The following HERC1 variants were observed in gnomAD, a reference collection of about 807,000 sequenced individuals.
HERC1 encodes the protein HECT and RLD domain containing E3 ubiquitin protein ligase family member 1, also known as probable E3 ubiquitin-protein ligase HERC1.
Under a neutral mutation model 554.3 loss-of-function variants are expected in HERC1, and 160 were observed. The ratio of observed to expected loss-of-function variants is 0.29; its 90% confidence interval spans 0.25 to 0.33. The LOEUF (loss-of-function observed/expected upper bound fraction) is 0.33, where lower values mean the gene tolerates loss of function less well. HERC1 is among the 10% of genes least tolerant of loss of function. The pLI, the probability that HERC1 is intolerant of heterozygous loss-of-function variation, is 1.00. For missense variants in HERC1, 4,919 were observed against 5,918.5 expected (o/e 0.83, Z 5.54); for synonymous variants, 2,175 against 2,131.7 (o/e 1.02, Z -0.56).
intron 12 of HERC1, among the ~76,000 whole-genome samples, chr15:63,735,461 G>T (rs567506170): frequency 5.9e-5 from 9 of 151,398 alleles, no homozygotes; most frequent in African/African-American, 2.2e-4. Flanking sequence ...AAGTTGATAG[G>T]TGCAGCACAC....
intron 5 of HERC1, among the ~76,000 whole-genome samples, chr15:63,755,625 T>C (rs1028410770): frequency 8.6e-5 from 13 of 151,942 alleles, no homozygotes; most frequent in Admixed American, 5.2e-4. Context: ...TTAAAAAATA[T>C]GAAAATTAGC....
rs553215193 is a variant in HERC1 at position 63,800,785 on chromosome 15, C to T, written c.-26-25136G>A. 5.3e-5 allele frequency among the ~76,000 whole-genome samples: 8 copies of T among 152,218 alleles called. No individual in the cohort carries two copies. In the East Asian group the frequency reaches 9.6e-4, roughly 18 times the overall value. ...GGGAATAGGAGCATCTTTTGTTATTCGTAACAAGCCCCTTTCAACCATACC... is the reference window on the plus strand; with the variant it reads ...GGGAATAGGAGCATCTTTTGTTATTTGTAACAAGCCCCTTTCAACCATACC... On this transcript the variant is annotated intron_variant, in intron 1 of 77. Coordinates refer to ENST00000443617, the MANE Select transcript of HERC1 (RefSeq NM_003922.4).
chr15:63,665,198 A>T (rs1315364661), intron 42 of HERC1, among the ~76,000 whole-genome samples: 1 of 152,224 alleles, frequency 6.6e-6, no homozygotes, highest in Non-Finnish European at 1.5e-5. Context: ...TAAAAACTAT[A>T]GAAGAGATGA....
In HERC1 at chr15:63,656,254, A is replaced by G; in HGVS notation, c.9704T>C (p.Leu3235Pro). ...MCLAAAGRAG[L>P]STSPSAMAST... ...AGCCATGGCAGAAGGGCTGGTGGAG[A>G]GGCCAGCTCTCCCTGCTGCTGCCAA... Residue 3235 changes from leucine to proline, a missense_variant, in exon 49 of 78, where the codon CTC becomes CCC. Physicochemically the swap from Leu to Pro is moderately conservative, Grantham distance 98. This residue lies in a region of HERC1 where 1,963 missense variants were observed against 2,228.6 expected (regional missense o/e 0.88). Transcript: ENST00000443617. 6.2e-7 allele frequency: 1 copy of G among 1,613,834 alleles called. No individual in the cohort carries two copies. The highest frequency in any genetic ancestry group is 8.5e-7 in the Non-Finnish European group (1 of 1,179,806).
chr15:63,809,367 C>G (rs1250550563), intron 1 of HERC1, among the ~76,000 whole-genome samples: 1 of 152,158 alleles, frequency 6.6e-6, no homozygotes, highest in African/African-American at 2.4e-5. Flanking sequence ...AACAACCTAA[C>G]AAGAATGTGC....
At chr15:63,764,371 C>T (rs1196146644) in intron 2 of HERC1, among the ~76,000 whole-genome samples, 180 bp from the exon 3 acceptor site, 7 of 152,188 alleles carry the variant, frequency 4.6e-5, no homozygotes, top group South Asian at 2.1e-4. Flanking sequence ...TTTTATTAAA[C>T]GAGCTGGCTA....
intron 3 of HERC1, among the ~76,000 whole-genome samples, chr15:63,761,860 T>C (rs150014831): frequency 2.0e-4 from 31 of 152,202 alleles, no homozygotes; most frequent in Admixed American, 2.0e-3. Flanking sequence ...AAGATATAAA[T>C]GTAAAGGTTA....
chr15:63,742,632 G>T (rs963070881), intron 12 of HERC1, among the ~76,000 whole-genome samples: 88 of 152,244 alleles, frequency 5.8e-4, no homozygotes, highest in Middle Eastern at 3.4e-3. Flanking sequence ...TTCAGGTTAA[G>T]AAAGTTCCCT....
At chr15:63,789,801 A>AAAATAAATAAAT (rs10527229) in intron 1 of HERC1, among the ~76,000 whole-genome samples, 51,110 of 138,792 alleles carry the variant, frequency 0.37, 10,251 homozygotes, top group Non-Finnish European at 0.43. Context: ...GCCCTGTCTC[A>AAAATAAATAAAT]AAATAAATAA....
intron 1 of HERC1, among the ~76,000 whole-genome samples, chr15:63,785,047 G>C (rs2076397998): frequency 6.6e-6 from 1 of 152,148 alleles, no homozygotes; most frequent in African/African-American, 2.4e-5. Flanking sequence ...TTATATAAAA[G>C]AAACATATAT....
At chr15:63,706,893 T>G in intron 24 of HERC1, 62 bp from the exon 25 acceptor site, 1 of 1,036,998 alleles carries the variant, frequency 9.6e-7, no homozygotes, top group East Asian at 2.6e-5. Context: ...AAGATTAAGA[T>G]TTAATAGAGT....
rs773401851 is a variant in HERC1 at position 63,626,127 on chromosome 15, A to C, written c.13133T>G (p.Leu4378Arg). The C allele has an allele frequency of 6.2e-7, 1 of 1,613,638 alleles. No individual in the cohort carries two copies. The highest frequency in any genetic ancestry group is 1.7e-5 in the Admixed American group (1 of 59,928). Residue 4378 changes from leucine to arginine, a missense_variant, in exon 71 of 78, where the codon CTG becomes CGG. Coordinates refer to ENST00000443617, the MANE Select transcript of HERC1 (RefSeq NM_003922.4). ...ATACTGGGGGGGCACTGTGTCAGGCAGGCCCAGCTGCAGAGGTACTGACAC... is the reference window on the plus strand; with the variant it reads ...ATACTGGGGGGGCACTGTGTCAGGCCGGCCCAGCTGCAGAGGTACTGACAC... ...PGVSVPLQLG[L>R]PDTVPPQYGA...
intron 33 of HERC1, 121 bp downstream of exon 33, chr15:63,689,468 C>G: frequency 1.7e-6 from 1 of 584,496 alleles, no homozygotes; most frequent in Non-Finnish European, 3.0e-6. Flanking sequence ...AGACAGAATG[C>G]CAAGAGAGGA....
At chr15:63,620,696 T>C (rs972235680) in intron 74 of HERC1, among the ~76,000 whole-genome samples, 1 of 152,150 alleles carries the variant, frequency 6.6e-6, no homozygotes, top group African/African-American at 2.4e-5. Context: ...GGTGCATATA[T>C]ATTTAGGATA....
chr15:63,826,700 A>C (rs916862700), intron 1 of HERC1, among the ~76,000 whole-genome samples: 2 of 148,984 alleles, frequency 1.3e-5, no homozygotes, highest in Non-Finnish European at 1.5e-5. Flanking sequence ...TCAAGCTATA[A>C]GAACCAACCA....
intron 31 of HERC1, among the ~76,000 whole-genome samples, chr15:63,691,442 G>C (rs2072102740): frequency 1.3e-5 from 2 of 151,596 alleles, no homozygotes; most frequent in Admixed American, 6.6e-5. Context: ...CTCCAGCCTG[G>C]GCGACACAGA....
In HERC1 at chr15:63,694,275, C is replaced by A. The variant is rs532359489; in HGVS notation, c.5480+37G>T. 6.3e-7 allele frequency: 1 copy of A among 1,587,282 alleles called. No homozygotes were observed. The highest frequency in any genetic ancestry group is 1.1e-5 in the South Asian group (1 of 87,752). On this transcript the variant is annotated intron_variant, in intron 29 of 77. Transcript: ENST00000443617. This position sits in a 1 kb window ranked among gnomAD's most constrained non-coding sequence, Gnocchi z 4.3. Reference sequence around the variant, plus strand: ...AATTCTAAAATGGAGGAAGACCAGACTTCATACAGTTCTACAAAGACATCT... The same window carrying A: ...AATTCTAAAATGGAGGAAGACCAGAATTCATACAGTTCTACAAAGACATCT...
In HERC1 at chr15:63,628,774, C is replaced by T. The variant is rs749381689; in HGVS notation, c.13008G>A (p.Leu4336=). Reference sequence around the variant, plus strand: ...CATTTTTCCCTTGCAGACCTGTTACCAGGGTTGGTTCTCGAACATGGTTGG... The same window carrying T: ...CATTTTTCCCTTGCAGACCTGTTACTAGGGTTGGTTCTCGAACATGGTTGG... ...GHTNHVREPT[L]VTGLQGKNVR... The change falls in exon 70 of 78, where the codon CTG becomes CTA. Residue 4336 remains leucine (L), a synonymous_variant. Coordinates refer to ENST00000443617, the MANE Select transcript of HERC1 (RefSeq NM_003922.4). The T allele has an allele frequency of 9.9e-6, 16 of 1,613,846 alleles. No homozygotes were observed. Among genetic ancestry groups the T allele is most frequent in the Admixed American group, 1.7e-5 (1 of 60,002 alleles).
chr15:63,717,603 T>C (rs1596055682), intron 21 of HERC1, among the ~76,000 whole-genome samples: 2 of 152,176 alleles, frequency 1.3e-5, no homozygotes, highest in Non-Finnish European at 1.5e-5. Context: ...CCTATAATCC[T>C]AGCATTTTGG....
Sources: gnomAD v4.1 joint callset for allele counts (sites outside exome capture counted in the v4.1 genomes callset) on GRCh38, gnomAD v4.1.1 for gene constraint, gnomAD v4.1.1 regional missense constraint, Gnocchi (gnomAD v3.1) non-coding constraint, MANE v1.5 for transcripts, NCBI Gene and HGNC (gene_info 2026-07-23, HGNC 2026-07-21) for gene names.